The following CDH11 variants were observed in gnomAD, a reference collection of about 807,000 sequenced individuals.
CDH11 encodes the protein cadherin 11.
CDH11 carries 11 observed loss-of-function variants against 67.8 expected under a neutral mutation model. The ratio of observed to expected loss-of-function variants is 0.16; its 90% CI spans 0.10 to 0.27. The LOEUF (loss-of-function observed/expected upper bound fraction) is 0.27, where lower values mean the gene tolerates loss of function less well. Ranked by LOEUF, CDH11 falls within the 10% of genes least tolerant of loss-of-function variation. The pLI, the probability that CDH11 is intolerant of heterozygous loss-of-function variation, is 1.00. For synonymous variants in CDH11, 419 were observed against 400.0 expected, an observed-to-expected ratio of 1.05 and a Z score of -0.57; for missense variants, 847 against 1,031.2, an observed-to-expected ratio of 0.82 and a Z score of 2.45.
At chr16:64,983,787 C>A (rs746293105) in intron 7 of CDH11, among the ~76,000 whole-genome samples, 3 of 152,186 alleles carry the variant, frequency 2.0e-5, no homozygotes, top group Non-Finnish European at 1.5e-5. Context: ...GCTGAACATA[C>A]AAGATTGCTG....
chr16:64,991,586 C>T, intron 6 of CDH11, 182 bp downstream of exon 6: 1 of 523,248 alleles, frequency 1.9e-6, no homozygotes, highest in South Asian at 3.3e-5. Context: ...ACCTCTACTC[C>T]CCGACATTGT....
At chr16:65,031,508 C>T (rs2073643205) in intron 2 of CDH11, among the ~76,000 whole-genome samples, 1 of 152,150 alleles carries the variant, frequency 6.6e-6, no homozygotes, top group African/African-American at 2.4e-5. Flanking sequence ...TGAGTTTAGT[C>T]TTGTAGTATA....
chr16:65,114,305 C>T lies in CDH11; in HGVS notation c.-298+7575G>A, dbSNP rs148770143. Among the ~76,000 whole-genome samples the T allele has an allele frequency of 2.7e-4, 41 of 152,224 alleles. No homozygotes were observed. In the East Asian group the frequency reaches 5.8e-3, roughly 22 times the overall value. ...TTGTAGGAGCTGAGGATTGAGCAGTCACACCAGCTCTTCTGTGTCCTTCTC... is the reference window on the plus strand; with the variant it reads ...TTGTAGGAGCTGAGGATTGAGCAGTTACACCAGCTCTTCTGTGTCCTTCTC... On this transcript the variant is annotated intron_variant, in intron 1 of 12. Coordinates refer to ENST00000268603, the MANE Select transcript of CDH11 (RefSeq NM_001797.4).
At position 64,991,916 on chromosome 16, in the gene CDH11, T is replaced by C. The variant is rs2072637946; in HGVS notation, c.663A>G (p.Leu221=). The C allele has an allele frequency of 1.2e-6, 2 of 1,612,820 alleles. No homozygotes were observed. Among genetic ancestry groups the C allele is most frequent in the Non-Finnish European group, 8.5e-7 (1 of 1,179,030 alleles). ...EAQTGIIRTA[L]PNMDREAKEE... is the part of the protein sequence containing the mutation. ...CCTTGGCCTCCCTGTCCATGTTGGG[T>C]AGGGCTGTTCTGATGATACCTGGAC... The change falls in exon 6 of 13, where the codon CTA becomes CTG. Residue 221 remains leucine (L), a synonymous_variant. Coordinates refer to ENST00000268603, the MANE Select transcript of CDH11 (RefSeq NM_001797.4).
intron 8 of CDH11, among the ~76,000 whole-genome samples, chr16:64,979,937 C>G (rs2072287715): frequency 6.6e-6 from 1 of 152,180 alleles, no homozygotes; most frequent in South Asian, 2.1e-4. Context: ...ACCTCAAAAT[C>G]ATTATGCTAC....
intron 11 of CDH11, among the ~76,000 whole-genome samples, chr16:64,960,460 A>G (rs1400312459): frequency 6.6e-6 from 1 of 152,122 alleles, no homozygotes; most frequent in African/African-American, 2.4e-5. Context: ...AATGTGTTAT[A>G]CGGTTAGAAT....
At chr16:65,035,902 G>A (rs1356088673) in intron 2 of CDH11, among the ~76,000 whole-genome samples, 1 of 152,092 alleles carries the variant, frequency 6.6e-6, no homozygotes, top group African/African-American at 2.4e-5. Flanking sequence ...GTTCCCTCAG[G>A]AAAAATATAG....
intron 3 of CDH11, among the ~76,000 whole-genome samples, chr16:65,000,827 T>A (rs973658417): frequency 6.6e-6 from 1 of 151,788 alleles, no homozygotes. Context: ...ATAAATTAAT[T>A]AATTAAATAA....
chr16:64,971,658 C>T lies in CDH11; in HGVS notation c.1563G>A (p.Thr521=), dbSNP rs200404897. The T allele has an allele frequency of 7.1e-5, 114 of 1,613,220 alleles. 1 individual carries two copies. In the Admixed American group the frequency reaches 1.3e-3, roughly 18 times the overall value. The change falls in exon 11 of 13, where the codon ACG becomes ACA. Residue 521 remains threonine (T), a synonymous_variant. Transcript: ENST00000268603. ...VTISADDKDD[T]ANGPRFIFSL... ...TGAAGATAAATCTTGGTCCATTGGCCGTGTCATCCTTGTCATCTGCACTAA... is the reference window on the plus strand; with the variant it reads ...TGAAGATAAATCTTGGTCCATTGGCTGTGTCATCCTTGTCATCTGCACTAA...
At chr16:65,076,688 C>T (rs1183549601) in intron 1 of CDH11, among the ~76,000 whole-genome samples, 2 of 149,782 alleles carry the variant, frequency 1.3e-5, no homozygotes, top group African/African-American at 4.9e-5. Context: ...AGCCCCCCAC[C>T]CCCCGACAAG....
At chr16:65,117,861 G>A (rs965734886) in intron 1 of CDH11, among the ~76,000 whole-genome samples, 1 of 152,152 alleles carries the variant, frequency 6.6e-6, no homozygotes, top group Admixed American at 6.5e-5. Flanking sequence ...CTCAGTGAGA[G>A]CTGACCTTGT....
Position 64,944,949 on chromosome 16 carries a change from T to A in CDH11, c.*2654A>T, listed in dbSNP as rs897546913. 4.7e-6 allele frequency: 1 copy of A among 214,476 alleles called. No homozygotes were observed. Among genetic ancestry groups the A allele is most frequent in the Non-Finnish European group, 9.4e-6 (1 of 106,320 alleles). 13.3% of individuals were successfully genotyped at this position (214,476 alleles called of 1,614,324 possible). A position where few individuals can be genotyped will look rare whatever the true frequency, so the allele number is the denominator to read the frequency against. On this transcript the variant is annotated 3_prime_UTR_variant, in exon 13 of 13. Transcript: ENST00000268603. ...GATACTTTGGTACAGGGCTGAATTATCAAAAGATGTCAGAAAAGGTAGTAA... is the reference window on the plus strand; with the variant it reads ...GATACTTTGGTACAGGGCTGAATTAACAAAAGATGTCAGAAAAGGTAGTAA...
At chr16:64,982,410 T>A (rs1438319610) in intron 7 of CDH11, 109 bp from the exon 8 acceptor site, 1 of 842,920 alleles carries the variant, frequency 1.2e-6, no homozygotes, top group Non-Finnish European at 1.9e-6. Context: ...AGAGAGAAAA[T>A]CAGAGTCTAC....
chr16:65,065,144 C>T (rs943208261), intron 1 of CDH11, among the ~76,000 whole-genome samples: 1 of 152,104 alleles, frequency 6.6e-6, no homozygotes, highest in Non-Finnish European at 1.5e-5. Context: ...ATGCCAGTTC[C>T]GACATGGTGG....
At chr16:65,110,785 G>A (rs1391017004) in intron 1 of CDH11, among the ~76,000 whole-genome samples, 1 of 152,030 alleles carries the variant, frequency 6.6e-6, no homozygotes, top group Non-Finnish European at 1.5e-5. Flanking sequence ...CCCTGGAGTA[G>A]AAGGAACTCT....
At chr16:65,060,208 T>A (rs2074213514) in intron 1 of CDH11, among the ~76,000 whole-genome samples, 1 of 152,096 alleles carries the variant, frequency 6.6e-6, no homozygotes, top group Non-Finnish European at 1.5e-5. Flanking sequence ...GAGTGGGAAT[T>A]CCAATCTAGA....
intron 1 of CDH11, among the ~76,000 whole-genome samples, chr16:65,106,756 G>A (rs900933993): frequency 1.1e-4 from 17 of 152,114 alleles, no homozygotes; most frequent in African/African-American, 3.6e-4. Flanking sequence ...TGTATGCCAG[G>A]GCTGGACAGG....
intron 2 of CDH11, among the ~76,000 whole-genome samples, chr16:65,014,286 T>C (rs1348072513): frequency 1.3e-5 from 2 of 151,154 alleles, no homozygotes; most frequent in Non-Finnish European, 3.0e-5. Context: ...TCACGTGTAA[T>C]TTTAAATTTT....
intron 1 of CDH11, chr16:65,094,635 C>G (rs2074855245): frequency 6.6e-6 from 1 of 152,078 alleles, no homozygotes; most frequent in African/African-American, 2.4e-5. Context: ...TCCTTTGTAC[C>G]CCTCTCTGTG....
Sources: allele counts gnomAD v4.1 joint callset (sites outside exome capture counted in the v4.1 genomes callset), GRCh38; gene constraint gnomAD v4.1.1; transcripts MANE v1.5; gene names NCBI Gene and HGNC (gene_info 2026-07-23, HGNC 2026-07-21).